The following AOPEP variants were observed in gnomAD, a reference collection of about 807,000 sequenced individuals.
AOPEP encodes the protein aminopeptidase O (putative), also known as aminopeptidase O.
In AOPEP, 77 loss-of-function variants were observed where a neutral mutation model predicts 98.1. The observed-to-expected ratio is 0.78, with a 90% CI of 0.65 to 0.95. The LOEUF (loss-of-function observed/expected upper bound fraction) is 0.95, where lower values mean the gene tolerates loss of function less well. AOPEP is among the 40% of genes least tolerant of loss of function. AOPEP has a pLI of 0.00. For missense variants in AOPEP, 1,024 were observed against 1,024.7 expected, an observed-to-expected ratio of 1.00 and a Z score of 0.01; for synonymous variants, 346 against 365.3, an observed-to-expected ratio of 0.95 and a Z score of 0.60.
chr9:95,089,148 G>A (rs2070831573), downstream of AOPEP, among the ~76,000 whole-genome samples: 1 of 152,234 alleles, frequency 6.6e-6, no homozygotes, highest in African/African-American at 2.4e-5. Context: ...CATCTCCTAA[G>A]AGACTTGAGA....
chr9:95,004,498 T>C (rs1219861545), intron 11 of AOPEP, among the ~76,000 whole-genome samples: 1 of 151,934 alleles, frequency 6.6e-6, no homozygotes, highest in African/African-American at 2.4e-5. Flanking sequence ...AAACGTCTAC[T>C]CGAGGGCGTA....
At chr9:94,734,360 G>C (rs1056610126) in intron 1 of AOPEP, among the ~76,000 whole-genome samples, 8 of 152,224 alleles carry the variant, frequency 5.3e-5, no homozygotes, top group Non-Finnish European at 1.0e-4. Flanking sequence ...AGTGTAGGAA[G>C]TGGGAGTTGT....
chr9:95,064,794 T>C lies in AOPEP; in HGVS notation c.2232+3984T>C, dbSNP rs1007954723. ...TTTAATGCTCATTTATGAATTTCAT[T>C]TGGGCCAAAAGCATAGTTCTGTGAC... On this transcript the variant is annotated intron_variant, in intron 14 of 16. Transcript: ENST00000375315. Among the ~76,000 whole-genome samples, 4 of 12,530 alleles carry C rather than the reference T, an allele frequency of 3.2e-4. No individual in the cohort carries two copies. The Non-Finnish European group carries it at 4.7e-3, about 15-fold the overall frequency. The allele number at this position is 12,530 out of a possible 152,430, so 8.2% of individuals were successfully genotyped here.
the AOPEP span, among the ~76,000 whole-genome samples, chr9:95,134,326 G>C: frequency 6.6e-6 from 1 of 152,184 alleles, no homozygotes; most frequent in Non-Finnish European, 1.5e-5. Flanking sequence ...GGAGGTAGGG[G>C]TTCTATGAGC....
intron 1 of AOPEP, among the ~76,000 whole-genome samples, chr9:94,755,975 C>G (rs1051716009): frequency 1.3e-5 from 2 of 152,044 alleles, no homozygotes; most frequent in African/African-American, 2.4e-5. Flanking sequence ...GATGGCAACC[C>G]TAGGCCAGGC....
intron 14 of AOPEP, among the ~76,000 whole-genome samples, chr9:95,078,018 A>T (rs1335617181): frequency 6.6e-6 from 1 of 151,718 alleles, no homozygotes; most frequent in Admixed American, 6.6e-5. Flanking sequence ...TAATGAAAAG[A>T]CTTGTTTTTA....
At chr9:95,070,565 A>G (rs756833630) in intron 14 of AOPEP, among the ~76,000 whole-genome samples, 9 of 152,258 alleles carry the variant, frequency 5.9e-5, no homozygotes, top group African/African-American at 1.2e-4. Flanking sequence ...AAGCATTCCA[A>G]GTTTTCAAGT....
At chr9:94,798,702 T>C (rs1241462423) in intron 4 of AOPEP, among the ~76,000 whole-genome samples, 1 of 152,162 alleles carries the variant, frequency 6.6e-6, no homozygotes, top group African/African-American at 2.4e-5. Context: ...AGCTTTGCAA[T>C]AGAGATTATA....
At chr9:94,847,299 G>T (rs1481475439) in intron 5 of AOPEP, among the ~76,000 whole-genome samples, 1 of 152,206 alleles carries the variant, frequency 6.6e-6, no homozygotes, top group East Asian at 1.9e-4. Flanking sequence ...AATGGATATT[G>T]TGGAGAAGCT....
At chr9:94,957,720 C>A (rs1039456831) in intron 9 of AOPEP, among the ~76,000 whole-genome samples, 31 of 152,156 alleles carry the variant, frequency 2.0e-4, no homozygotes, top group Non-Finnish European at 5.9e-5. Context: ...TTTTTACTCC[C>A]CCAGCCCTAC....
intron 5 of AOPEP, among the ~76,000 whole-genome samples, chr9:94,830,236 C>G (rs1855648363): frequency 6.6e-6 from 1 of 152,176 alleles, no homozygotes; most frequent in Non-Finnish European, 1.5e-5. Flanking sequence ...GTTTCCCCAC[C>G]ATGTGTCCAT....
the AOPEP span, chr9:95,110,149 C>T: frequency 3.8e-5 from 26 of 689,368 alleles, no homozygotes; most frequent in Admixed American, 1.9e-4. Flanking sequence ...GGGAGAACTA[C>T]GCAAGGGTTT....
rs12686366 is a variant in AOPEP at position 95,000,668 on chromosome 9, A to G, written c.1978-4490A>G. On this transcript the variant is annotated intron_variant, in intron 11 of 16. Coordinates refer to ENST00000375315, the MANE Select transcript of AOPEP (RefSeq NM_001193329.3). ...GGTTGCAGTGAGCCAAGATTGCACC[A>G]TTGCACTCCAGCCTAGGTGACAAGA... Among the ~76,000 whole-genome samples the G allele has an allele frequency of 5.2e-3, 792 of 152,336 alleles. 14 individuals carry two copies. Among genetic ancestry groups the G allele is most frequent in the East Asian group, 0.042 (220 of 5,180 alleles).
chr9:94,760,772 C>T (rs1838086179), intron 2 of AOPEP, 192 bp downstream of exon 2: 1 of 455,684 alleles, frequency 2.2e-6, no homozygotes, highest in Non-Finnish European at 3.8e-6. Flanking sequence ...ATAGGATTAG[C>T]TCCCTTAAGT....
intron 5 of AOPEP, among the ~76,000 whole-genome samples, chr9:94,858,458 C>T (rs1478340991): frequency 2.0e-5 from 3 of 152,174 alleles, no homozygotes; most frequent in Non-Finnish European, 4.4e-5. Context: ...AGGCTAAAAT[C>T]AAGGTGGCAG....
chr9:94,728,072 T>C (rs1348458039), intron 1 of AOPEP, among the ~76,000 whole-genome samples: 3 of 152,220 alleles, frequency 2.0e-5, no homozygotes, highest in Non-Finnish European at 4.4e-5. Flanking sequence ...CTACTAATGC[T>C]CAAATTTTAG....
chr9:94,800,810 C>A lies in AOPEP; in HGVS notation c.1172C>A (p.Ser391Tyr). 1 of 1,614,220 alleles carries A rather than the reference C, an allele frequency of 6.2e-7. No individual in the cohort carries two copies. Among genetic ancestry groups the A allele is most frequent in the Non-Finnish European group, 8.5e-7 (1 of 1,180,030 alleles). ...TACCCCTGCCGCTTCCAGAATGCTT[C>A]TGCCACCACCCAGGAGATCATTCCT... The part of the protein sequence containing the change: ...MEYPCRFQNA[S>Y]ATTQEIIPHR... Residue 391 changes from serine (S) to tyrosine (Y), a missense_variant, in exon 5 of 17, where the codon TCT becomes TAT. By Grantham distance (144) the Ser-to-Tyr change is moderately radical (BLOSUM62 -2). Transcript: ENST00000375315.
chr9:94,749,569 C>T (rs367319), intron 1 of AOPEP, among the ~76,000 whole-genome samples: 6,094 of 152,216 alleles, frequency 0.04, 162 homozygotes, highest in Admixed American at 0.072. Context: ...TTCTTTTTCA[C>T]GTTTTTCTGT....
chr9:94,976,774 C>T (rs1199085848), intron 10 of AOPEP, among the ~76,000 whole-genome samples: 1 of 151,846 alleles, frequency 6.6e-6, no homozygotes, highest in Admixed American at 6.6e-5. Flanking sequence ...TCAAGCCATT[C>T]TCCCACCTCA....
Sources: allele counts gnomAD v4.1 joint callset (sites outside exome capture counted in the v4.1 genomes callset), GRCh38; gene constraint gnomAD v4.1.1; transcripts MANE v1.5; gene names NCBI Gene and HGNC (gene_info 2026-07-23, HGNC 2026-07-21).